Variants in RANBP2 observed in about 807,000 individuals in gnomAD.
RANBP2 encodes the protein RAN binding protein 2.
Under a neutral mutation model 303.6 loss-of-function variants are expected in RANBP2, and 57 were observed. That is an observed-to-expected ratio of 0.19 (90% CI 0.15 to 0.23). The LOEUF (loss-of-function observed/expected upper bound fraction) is 0.23, where lower values mean the gene tolerates loss of function less well. Ranked by LOEUF, RANBP2 falls within the 10% of genes least tolerant of loss-of-function variation. The pLI is 1.00. For synonymous variants in RANBP2, 1,167 were observed against 1,301.5 expected (o/e 0.90, Z 2.23); for missense variants, 3,138 against 3,780.8 (o/e 0.83, Z 4.46).
the RANBP2 span, among the ~76,000 whole-genome samples, chr2:109,454,391 T>G: frequency 6.6e-6 from 1 of 152,144 alleles, no homozygotes; most frequent in Non-Finnish European, 1.5e-5. Flanking sequence ...CTGTCTGGAT[T>G]GGGTGGTTAT....
chr2:109,261,943 A>G, the RANBP2 span, among the ~76,000 whole-genome samples: 16 of 152,054 alleles, frequency 1.1e-4, no homozygotes, highest in Admixed American at 8.5e-4. Flanking sequence ...TCTTTACTGG[A>G]TGTGTAGCAT....
the RANBP2 span, among the ~76,000 whole-genome samples, chr2:109,611,382 T>C: frequency 6.7e-6 from 1 of 150,194 alleles, no homozygotes; most frequent in Non-Finnish European, 1.5e-5. Flanking sequence ...TGTTAGAAGA[T>C]GAAAAGATAA....
At chr2:109,295,410 A>C in the RANBP2 span, among the ~76,000 whole-genome samples, 1 of 152,248 alleles carries the variant, frequency 6.6e-6, no homozygotes, top group Admixed American at 6.5e-5. Context: ...TGAAGTCTTC[A>C]GTGTCTAAAG....
chr2:108,978,994 T>C, the RANBP2 span, among the ~76,000 whole-genome samples: 1 of 152,290 alleles, frequency 6.6e-6, no homozygotes, highest in African/African-American at 2.4e-5. Context: ...GGGGGTGTAG[T>C]GTGTGAAGTA....
chr2:109,059,409 A>G, the RANBP2 span, among the ~76,000 whole-genome samples: 2 of 152,068 alleles, frequency 1.3e-5, no homozygotes, highest in Non-Finnish European at 2.9e-5. Flanking sequence ...CCCCGTCTCT[A>G]CTAAAAATAC....
At chr2:109,472,060 A>C in the RANBP2 span, among the ~76,000 whole-genome samples, 5 of 152,354 alleles carry the variant, frequency 3.3e-5, no homozygotes, top group African/African-American at 1.2e-4. Flanking sequence ...CTGACATCTC[A>C]GCTTCTTTCA....
the RANBP2 span, chr2:108,896,891 C>G: frequency 5.2e-5 from 83 of 1,605,626 alleles, no homozygotes; most frequent in African/African-American, 9.5e-4. Context: ...GGGAGGACAG[C>G]CCACAGGCAT....
the RANBP2 span, among the ~76,000 whole-genome samples, chr2:109,268,383 G>A: frequency 2.0e-5 from 3 of 151,916 alleles, no homozygotes; most frequent in Non-Finnish European, 2.9e-5. Context: ...CGTTTCACCC[G>A]CACAACTGCA....
At chr2:109,439,841 G>C in the RANBP2 span, among the ~76,000 whole-genome samples, 4 of 152,122 alleles carry the variant, frequency 2.6e-5, no homozygotes, top group Admixed American at 2.6e-4. Flanking sequence ...AGAATGACTA[G>C]AAAACAAAGT....
chr2:109,203,309 A>G, the RANBP2 span, among the ~76,000 whole-genome samples: 1 of 152,200 alleles, frequency 6.6e-6, no homozygotes, highest in Non-Finnish European at 1.5e-5. Flanking sequence ...TCTCAGGTGG[A>G]CGCAGCAGAC....
chr2:109,603,524 C>A, the RANBP2 span, among the ~76,000 whole-genome samples: 35 of 151,574 alleles, frequency 2.3e-4, no homozygotes, highest in African/African-American at 6.5e-4. Flanking sequence ...CAGGCGTGCA[C>A]CACCGCGCCC....
At chr2:109,713,320 G>A in the RANBP2 span, among the ~76,000 whole-genome samples, 2 of 152,118 alleles carry the variant, frequency 1.3e-5, no homozygotes, top group African/African-American at 4.8e-5. Context: ...ACTGAAGTTT[G>A]AGAAAAGCTC....
chr2:109,381,206 C>T, the RANBP2 span, among the ~76,000 whole-genome samples: 2 of 152,174 alleles, frequency 1.3e-5, no homozygotes, highest in Non-Finnish European at 2.9e-5. Context: ...CAGCTGAACA[C>T]CCAGGTGGCC....
the RANBP2 span, among the ~76,000 whole-genome samples, chr2:109,684,010 C>T: frequency 3.3e-5 from 5 of 151,916 alleles, no homozygotes; most frequent in East Asian, 5.8e-4. Flanking sequence ...GGCACGATCT[C>T]GGCTCACTGC....
the RANBP2 span, among the ~76,000 whole-genome samples, chr2:109,652,415 CG>C: frequency 1.3e-5 from 2 of 151,972 alleles, no homozygotes; most frequent in Non-Finnish European, 2.9e-5. Context: ...TTAGTAGAGA[CG>C]GGGTTTCACT....
At chr2:109,755,198 T>TG in the RANBP2 span, among the ~76,000 whole-genome samples, 326 of 99,090 alleles carry the variant, frequency 3.3e-3, 45 homozygotes, top group East Asian at 0.024. Context: ...CACACCTTGG[T>TG]GGGGGGGGGC....
the RANBP2 span, among the ~76,000 whole-genome samples, chr2:109,335,910 G>T: frequency 2.6e-5 from 4 of 152,216 alleles, no homozygotes; most frequent in Non-Finnish European, 5.9e-5. Context: ...ATTTATGAAT[G>T]AAGCAGCTCA....
At chr2:109,495,626 TG>T in the RANBP2 span, among the ~76,000 whole-genome samples, 2 of 84,650 alleles carry the variant, frequency 2.4e-5, no homozygotes, top group East Asian at 7.8e-4. Context: ...TAGCTGGGAT[TG>T]ATTACAGGCG....
the RANBP2 span, among the ~76,000 whole-genome samples, chr2:109,144,392 C>T: frequency 1.3e-5 from 2 of 152,180 alleles, no homozygotes; most frequent in African/African-American, 4.8e-5. Context: ...AAAGCTGCCT[C>T]AAGTCATAGA....
Sources: gnomAD v4.1 joint callset for allele counts (sites outside exome capture counted in the v4.1 genomes callset) on GRCh38, gnomAD v4.1.1 for gene constraint, MANE v1.5 for transcripts, NCBI Gene and HGNC (gene_info 2026-07-23, HGNC 2026-07-21) for gene names.